The following GHR variants were observed in gnomAD, a reference collection of about 807,000 sequenced individuals.
GHR encodes GH receptor.
In GHR, 35 loss-of-function variants were observed where a neutral mutation model predicts 67.1. That is an observed-to-expected ratio of 0.52 (90% confidence interval 0.40 to 0.69). The LOEUF is 0.69. Among genes scored for constraint, GHR ranks in the 30% least tolerant of loss-of-function variants. The pLI is 0.00. For synonymous variants in GHR, 272 were observed against 269.1 expected (o/e 1.01, Z -0.10); for missense variants, 792 against 764.6 (o/e 1.04, Z -0.42).
At chr5:42,653,509 T>A (rs889000834) in intron 3 of GHR, among the ~76,000 whole-genome samples, 3 of 152,156 alleles carry the variant, frequency 2.0e-5, no homozygotes, top group African/African-American at 7.2e-5. Flanking sequence ...CTTGTGAGGT[T>A]GTATTATGGG....
intron 2 of GHR, among the ~76,000 whole-genome samples, chr5:42,601,196 G>A (rs555977169): frequency 1.3e-5 from 2 of 151,778 alleles, no homozygotes; most frequent in East Asian, 3.9e-4. Flanking sequence ...CAAAGTGCTG[G>A]GATTACAAGT....
intron 1 of GHR, among the ~76,000 whole-genome samples, chr5:42,460,897 T>C (rs993894208): frequency 7.2e-5 from 11 of 152,192 alleles, no homozygotes; most frequent in Non-Finnish European, 1.3e-4. Flanking sequence ...CTTCACATGG[T>C]CTTCTAGGAC....
At position 42,689,066 on chromosome 5, in the gene GHR, A is replaced by G. The variant is rs35126945; in HGVS notation, c.266+47A>G. 2,221 of 1,494,680 alleles carry G rather than the reference A, an allele frequency of 1.5e-3. 22 individuals are homozygous for G. In the African/African-American group the frequency reaches 0.025, roughly 17 times the overall value. 92.6% of individuals were successfully genotyped at this position (1,494,680 alleles called of 1,614,324 possible). On this transcript the variant is annotated intron_variant, in intron 4 of 9. Transcript: ENST00000230882. The stretch of plus-strand genomic sequence containing the variant: ...GATTTTCCTCTCCATGGATGTACCT[A>G]CTAAAGTACACTGAGTCAGATGTAC...
chr5:42,543,453 T>A (rs1748603557), intron 1 of GHR, among the ~76,000 whole-genome samples: 1 of 152,210 alleles, frequency 6.6e-6, no homozygotes, highest in South Asian at 2.1e-4. Flanking sequence ...AGTTTTCATG[T>A]GTGCTCACAC....
intron 1 of GHR, among the ~76,000 whole-genome samples, chr5:42,535,430 AT>A (rs1748213629): frequency 6.6e-6 from 1 of 151,722 alleles, no homozygotes; most frequent in Non-Finnish European, 1.5e-5. Context: ...TCCCCACTTT[AT>A]GTTTTTGTTT....
intron 2 of GHR, among the ~76,000 whole-genome samples, chr5:42,607,091 T>A (rs928668392): frequency 9.9e-5 from 15 of 152,128 alleles, no homozygotes; most frequent in African/African-American, 3.6e-4. Flanking sequence ...CAGTTCCCCC[T>A]TTGCTCACTT....
Position 42,424,903 on chromosome 5 carries a change from G to C in GHR, c.-12+948G>C. The C allele has an allele frequency of 1.5e-6, 1 of 656,402 alleles. No homozygotes were observed. Among genetic ancestry groups the C allele is most frequent in the Non-Finnish European group, 1.9e-6 (1 of 529,262 alleles). 40.7% of individuals were successfully genotyped at this position (656,402 alleles called of 1,614,324 possible). On this transcript the variant is annotated intron_variant, in intron 1 of 9. Coordinates refer to ENST00000230882, the MANE Select transcript of GHR (RefSeq NM_000163.5). This position sits in a 1 kb window ranked among gnomAD's most constrained non-coding sequence, Gnocchi z 4.1. ...TCCTGAATGAGTGTACGTGTGCGCT[G>C]TGTGTGCGCGCGCGAGTGTGCGCCT...
intron 1 of GHR, among the ~76,000 whole-genome samples, chr5:42,513,706 C>T (rs997861416): frequency 2.6e-5 from 4 of 151,468 alleles, no homozygotes; most frequent in African/African-American, 4.8e-5. Flanking sequence ...CGCTTGAACT[C>T]GGGAGGCGGA....
intron 3 of GHR, among the ~76,000 whole-genome samples, chr5:42,648,798 A>G (rs1013971836): frequency 6.6e-6 from 1 of 152,044 alleles, no homozygotes; most frequent in Admixed American, 6.6e-5. Flanking sequence ...CCTGTAGCTG[A>G]CTGACAGTTT....
intron 4 of GHR, among the ~76,000 whole-genome samples, chr5:42,691,292 C>A (rs1757412417): frequency 6.6e-6 from 1 of 152,162 alleles, no homozygotes; most frequent in South Asian, 2.1e-4. Context: ...CCCAAACTTA[C>A]AAAATTAGAT....
intron 3 of GHR, among the ~76,000 whole-genome samples, chr5:42,632,913 C>T (rs952288614): frequency 6.6e-6 from 1 of 152,146 alleles, no homozygotes; most frequent in Non-Finnish European, 1.5e-5. Flanking sequence ...GGAAGAGTTA[C>T]AATCTCCTAG....
chr5:42,670,848 T>A (rs10755269), intron 3 of GHR, among the ~76,000 whole-genome samples: 98,910 of 138,588 alleles, frequency 0.71, 35,689 homozygotes, highest in East Asian at 0.98. Flanking sequence ...TAATTTTTTT[T>A]AAAAAAAAGC....
chr5:42,602,223 A>T (rs530305545), intron 2 of GHR, among the ~76,000 whole-genome samples: 12 of 152,302 alleles, frequency 7.9e-5, no homozygotes, highest in Middle Eastern at 3.4e-3. Flanking sequence ...TATGCAATAC[A>T]ATATTATTAA....
At chr5:42,663,522 A>C (rs2112873588) in intron 3 of GHR, among the ~76,000 whole-genome samples, 1 of 152,334 alleles carries the variant, frequency 6.6e-6, no homozygotes, top group Middle Eastern at 3.4e-3. Context: ...GATGCAGAAA[A>C]GTTCTTTGAC....
chr5:42,598,700 A>G (rs1010397767), intron 2 of GHR, among the ~76,000 whole-genome samples: 9 of 152,222 alleles, frequency 5.9e-5, no homozygotes, highest in African/African-American at 1.9e-4. Flanking sequence ...ATAAATGGCT[A>G]TGAGCCCCTG....
At chr5:42,580,890 C>T (rs1751130583) in intron 2 of GHR, among the ~76,000 whole-genome samples, 1 of 152,176 alleles carries the variant, frequency 6.6e-6, no homozygotes. Context: ...AGACAAGACC[C>T]TTATAAAATC....
In GHR at chr5:42,605,238, G is replaced by A. The variant is rs934210051; in HGVS notation, c.71-23800G>A. Among the ~76,000 whole-genome samples, 6 of 151,546 alleles carry A rather than the reference G, an allele frequency of 4.0e-5. No individual in the cohort carries two copies. The South Asian group carries it at 1.3e-3, about 32-fold the overall frequency. On this transcript the variant is annotated intron_variant, in intron 2 of 9. Coordinates refer to ENST00000230882, the MANE Select transcript of GHR (RefSeq NM_000163.5). ...CCTGTCTCAGCCTCCCGAGTAGCTG[G>A]GATTACAGGCATGCACCAACACGCC...
intron 1 of GHR, among the ~76,000 whole-genome samples, chr5:42,548,928 C>G (rs548167115): frequency 6.6e-6 from 1 of 152,246 alleles, no homozygotes; most frequent in African/African-American, 2.4e-5. Context: ...TTGAGAAAGT[C>G]AACAGAGATA....
chr5:42,464,965 TAAA>T (rs1652468979), intron 1 of GHR, among the ~76,000 whole-genome samples: 1 of 152,090 alleles, frequency 6.6e-6, no homozygotes, highest in Non-Finnish European at 1.5e-5. Context: ...CATGAAGAAA[TAAA>T]AAAGGAAGAG....
Sources: gnomAD v4.1 joint callset for allele counts (sites outside exome capture counted in the v4.1 genomes callset) on GRCh38, gnomAD v4.1.1 for gene constraint, Gnocchi (gnomAD v3.1) non-coding constraint, MANE v1.5 for transcripts, NCBI Gene and HGNC (gene_info 2026-07-23, HGNC 2026-07-21) for gene names.